The following EIF3J variants were observed in gnomAD, a reference collection of about 807,000 sequenced individuals.
EIF3J encodes eukaryotic translation initiation factor 3 subunit J, also known as eukaryotic translation initiation factor 3, subunit 1 (alpha, 35kD).
EIF3J carries 15 observed loss-of-function variants against 39.0 expected under a neutral mutation model. The ratio of observed to expected loss-of-function variants is 0.38; its 90% CI spans 0.26 to 0.59. EIF3J has a LOEUF of 0.59. Among genes scored for constraint, EIF3J ranks in the 20% least tolerant of loss-of-function variants. EIF3J has a pLI of 0.60. For synonymous variants in EIF3J, 98 were observed against 112.9 expected (o/e 0.87, Z 0.84); for missense variants, 226 against 308.6 (o/e 0.73, Z 2.00).
Position 44,537,319 on chromosome 15 carries a change from C to T in EIF3J, c.44-5C>T, listed in dbSNP as rs369055468. 6.4e-7 allele frequency: 1 copy of T among 1,561,538 alleles called. No individual in the cohort carries two copies. The highest frequency in any genetic ancestry group is 8.7e-7 in the Non-Finnish European group (1 of 1,153,368). On this transcript the variant is annotated splice_region_variant and splice_polypyrimidine_tract_variant and intron_variant, in intron 1 of 7. Coordinates refer to ENST00000261868, the MANE Select transcript of EIF3J (RefSeq NM_003758.4). ...GGCACTAACACGGCTCGCTTTCTTC[C>T]GTAGACGCCGACGCTTTCTCCGTGG...
chr15:44,548,139 C>T (rs951823271), intron 2 of EIF3J, among the ~76,000 whole-genome samples: 31 of 152,192 alleles, frequency 2.0e-4, no homozygotes, highest in African/African-American at 5.3e-4. Context: ...AAAACAGTAC[C>T]GGCTGGGCAT....
At chr15:44,554,000 G>A (rs746348238) in intron 4 of EIF3J, among the ~76,000 whole-genome samples, 4 of 150,708 alleles carry the variant, frequency 2.7e-5, no homozygotes, top group Non-Finnish European at 4.4e-5. Flanking sequence ...AATCTGTCAC[G>A]TTACCAGCTG....
chr15:44,559,446 C>T (rs1045255304), intron 6 of EIF3J, among the ~76,000 whole-genome samples: 1 of 151,372 alleles, frequency 6.6e-6, no homozygotes, highest in Non-Finnish European at 1.5e-5. Flanking sequence ...TGCGGTGGCT[C>T]ACACCTGTAA....
chr15:44,556,142 A>G (rs1489508326), intron 5 of EIF3J, among the ~76,000 whole-genome samples: 1 of 152,166 alleles, frequency 6.6e-6, no homozygotes, highest in Non-Finnish European at 1.5e-5. Flanking sequence ...CTGGGATTAC[A>G]GGCATGAGCC....
At chr15:44,543,436 A>ATTTTTTTT (rs2082028094) in intron 2 of EIF3J, among the ~76,000 whole-genome samples, 1 of 121,216 alleles carries the variant, frequency 8.2e-6, no homozygotes, top group African/African-American at 3.6e-5. Flanking sequence ...TTTTTTTTTG[A>ATTTTTTTT]GATGGAGTTT....
In EIF3J at chr15:44,558,483, C is replaced by T. The variant is rs78617338; in HGVS notation, c.571+833C>T. On this transcript the variant is annotated intron_variant, in intron 6 of 7. Transcript: ENST00000261868. ...GGCAAAGCTTGCAGTGAGCTGAGAT[C>T]GTGCCACCGCACTCCAGCCTGGGTG... 3.3e-5 allele frequency among the ~76,000 whole-genome samples: 5 copies of T among 150,356 alleles called. No individual in the cohort carries two copies. In the East Asian group the frequency reaches 8.2e-4, roughly 25 times the overall value.
intron 3 of EIF3J, 46 bp downstream of exon 3, chr15:44,550,976 G>A: frequency 1.3e-6 from 2 of 1,588,626 alleles, no homozygotes; most frequent in South Asian, 2.3e-5. Flanking sequence ...GTCTTGCTGA[G>A]CATTTGTGAC....
intron 2 of EIF3J, among the ~76,000 whole-genome samples, chr15:44,547,811 G>A (rs915881390): frequency 5.3e-5 from 8 of 152,130 alleles, no homozygotes; most frequent in Admixed American, 5.2e-4. Context: ...GGCTTATGTT[G>A]TATGGAATAC....
At chr15:44,537,535 G>C in intron 2 of EIF3J, 108 bp downstream of exon 2, 2 of 1,147,882 alleles carry the variant, frequency 1.7e-6, no homozygotes, top group Non-Finnish European at 2.3e-6. Context: ...GGGTCCAGGC[G>C]CGAGCATAGG....
chr15:44,551,520 A>C lies in EIF3J; in HGVS notation c.292A>C (p.Arg98=). The part of the protein sequence containing the change: ...QKKRQEEIKK[R]LEEPEEPKVL... ...GAAAAGGCAAGAAGAAATTAAAAAG[A>C]GGGTAAATTCTGTTTTCTAAAATAC... The change falls in exon 4 of 8, where the codon AGG becomes CGG. Residue 98 remains arginine (R), a splice_region_variant and synonymous_variant. Coordinates refer to ENST00000261868, the MANE Select transcript of EIF3J (RefSeq NM_003758.4). The C allele has an allele frequency of 6.3e-7, 1 of 1,585,904 alleles. No individual in the cohort carries two copies. The highest frequency in any genetic ancestry group is 1.2e-5 in the South Asian group (1 of 86,456).
chr15:44,560,814 A>G (rs143853602), intron 7 of EIF3J, among the ~76,000 whole-genome samples: 1 of 152,204 alleles, frequency 6.6e-6, no homozygotes, highest in East Asian at 1.9e-4. Context: ...TATCCAGAGC[A>G]GGACCAAGGA....
Position 44,540,267 on chromosome 15 carries a change from ATTTTTT to A in EIF3J, c.147+2851_147+2856del, listed in dbSNP as rs71111863. Among the ~76,000 whole-genome samples, 43 of 61,410 alleles carry A rather than the reference ATTTTTT, an allele frequency of 7.0e-4. 1 individual carries two copies. The highest frequency in any genetic ancestry group is 2.4e-3 in the African/African-American group (34 of 14,422). 40.3% of individuals were successfully genotyped at this position (61,410 alleles called of 152,430 possible). On this transcript the variant is annotated intron_variant, in intron 2 of 7. Transcript: ENST00000261868. The stretch of plus-strand genomic sequence containing the variant: ...TATATATATATATATATATATATAT[ATTTTTT>A]TTTTTTTTTTGTAGATACAGGGTTT...
At chr15:44,548,993 G>T (rs1422759464) in intron 2 of EIF3J, among the ~76,000 whole-genome samples, 2 of 151,548 alleles carry the variant, frequency 1.3e-5, no homozygotes, top group Non-Finnish European at 2.9e-5. Context: ...GATCCATGTT[G>T]CATATCATAA....
At position 44,561,103 on chromosome 15, in the gene EIF3J, G is replaced by T; in HGVS notation, c.731G>T (p.Gly244Val). 1.2e-6 allele frequency: 2 copies of T among 1,613,570 alleles called. No homozygotes were observed. The highest frequency in any genetic ancestry group is 1.7e-6 in the Non-Finnish European group (2 of 1,179,818). ...ATMKDDLADYGGYDGGYVQDY... is the reference protein window; with the variant it reads ...ATMKDDLADYVGYDGGYVQDY... ...ATGAAAGATGATCTGGCAGATTATG[G>T]TGGTTATGATGGAGGATATGTACAA... Residue 244 changes from glycine to valine, a missense_variant, in exon 8 of 8, where the codon GGT (glycine) becomes GTT (valine). Gly to Val is a moderately radical substitution (Grantham distance 109, BLOSUM62 -3). This residue lies in a region of EIF3J where 83 missense variants were observed against 152.6 expected (regional missense o/e 0.54). Transcript: ENST00000261868.
chr15:44,550,329 T>C (rs1459343653), intron 2 of EIF3J, among the ~76,000 whole-genome samples: 2 of 152,136 alleles, frequency 1.3e-5, no homozygotes, highest in African/African-American at 4.8e-5. Flanking sequence ...TGATAGTGAG[T>C]TGCCTAGGAT....
At chr15:44,551,366 G>C in intron 3 of EIF3J, 65 bp from the exon 4 acceptor site, 1 of 1,042,728 alleles carries the variant, frequency 9.6e-7, no homozygotes, top group Non-Finnish European at 1.4e-6. Flanking sequence ...CAAGTATCAT[G>C]TCTGTCTCAT....
intron 6 of EIF3J, 91 bp downstream of exon 6, chr15:44,557,741 T>C: frequency 1.0e-6 from 1 of 962,922 alleles, no homozygotes; most frequent in Non-Finnish European, 1.4e-6. Context: ...TTTTCAAGGA[T>C]ACTATAATAC....
At position 44,561,823 on chromosome 15, in the gene EIF3J, T is replaced by C. The variant is rs556347891; in HGVS notation, c.*674T>C. 1.6e-4 allele frequency: 25 copies of C among 152,768 alleles called. No individual in the cohort carries two copies. In the South Asian group the frequency reaches 5.2e-3, roughly 32 times the overall value. 9.5% of individuals were successfully genotyped at this position (152,768 alleles called of 1,614,324 possible). The stretch of plus-strand genomic sequence containing the variant: ...GTCTAGTTATTTATCAGGCTATTTC[T>C]ACTGATGAACTGCTTCAGGTGGGGG... On this transcript the variant is annotated 3_prime_UTR_variant, in exon 8 of 8. Coordinates refer to ENST00000261868, the MANE Select transcript of EIF3J (RefSeq NM_003758.4).
At chr15:44,556,517 A>AT (rs551368992) in intron 5 of EIF3J, among the ~76,000 whole-genome samples, 1 of 151,490 alleles carries the variant, frequency 6.6e-6, no homozygotes, top group Non-Finnish European at 1.5e-5. Flanking sequence ...AATTTTATTT[A>AT]TTTTTTTGAG....
Sources: allele counts gnomAD v4.1 joint callset (sites outside exome capture counted in the v4.1 genomes callset), GRCh38; gene constraint gnomAD v4.1.1; regional missense constraint gnomAD v4.1.1; transcripts MANE v1.5; gene names NCBI Gene and HGNC (gene_info 2026-07-23, HGNC 2026-07-21).